Variants in PCDHA6 observed in about 807,000 individuals in gnomAD.
PCDHA6 encodes protocadherin alpha 6.
Under a neutral mutation model 60.3 loss-of-function variants are expected in PCDHA6, and 55 were observed. The observed-to-expected ratio is 0.91, with a 90% CI of 0.73 to 1.14. PCDHA6 has a LOEUF of 1.14. Ranked by LOEUF, PCDHA6 falls within the 50% of genes most tolerant of loss-of-function variation. The pLI, the probability that PCDHA6 is intolerant of heterozygous loss-of-function variation, is 0.00. For missense variants in PCDHA6, 1,327 were observed against 1,256.5 expected (o/e 1.06, Z -0.85); for synonymous variants, 652 against 557.9 (o/e 1.17, Z -2.38).
intron 1 of PCDHA6, chr5:140,835,958 C>T (rs2150249126): frequency 1.9e-6 from 3 of 1,613,058 alleles, no homozygotes; most frequent in Middle Eastern, 1.8e-4. Context: ...CGTTGGACCA[C>T]GAGGAGCTGG....
At chr5:140,832,575 T>G (rs1351881493) in intron 1 of PCDHA6, among the ~76,000 whole-genome samples, 1 of 152,226 alleles carries the variant, frequency 6.6e-6, no homozygotes, top group Non-Finnish European at 1.5e-5. Context: ...CAGCATACTT[T>G]CTTAGGAAGT....
chr5:140,873,657 C>T (rs1270824058), intron 1 of PCDHA6, among the ~76,000 whole-genome samples: 1 of 152,206 alleles, frequency 6.6e-6, no homozygotes, highest in Non-Finnish European at 1.5e-5. Flanking sequence ...ACATAACACA[C>T]TATTATTATT....
intron 1 of PCDHA6, among the ~76,000 whole-genome samples, chr5:140,902,554 A>AT (rs1414683182): frequency 6.6e-6 from 1 of 151,896 alleles, no homozygotes; most frequent in East Asian, 1.9e-4. Context: ...CTATACCCAG[A>AT]TTTTTGAGGG....
chr5:140,876,370 G>A, intron 1 of PCDHA6: 1 of 1,613,946 alleles, frequency 6.2e-7, no homozygotes, highest in Non-Finnish European at 8.5e-7. Flanking sequence ...TCCAGACACA[G>A]GTGAAATTAG....
chr5:140,881,909 G>T (rs941994896), intron 1 of PCDHA6: 6 of 230,500 alleles, frequency 2.6e-5, no homozygotes, highest in Non-Finnish European at 5.1e-5. Context: ...AATATAAAAT[G>T]TTGAGCAGAA....
At chr5:140,983,542 C>A (rs1554245538) in intron 3 of PCDHA6, among the ~76,000 whole-genome samples, 1 of 152,152 alleles carries the variant, frequency 6.6e-6, no homozygotes, top group African/African-American at 2.4e-5. Flanking sequence ...TGTGTGGTCT[C>A]ATTTATTCCT....
rs116202025 is a variant in PCDHA6, at chr5:140,975,505, A to G, written c.2395-3444A>G. ...ATATCAATGTTCATAAAATAGCACTATGCAAAATCTGCAGTGGATATATTC... is the reference window on the plus strand; with the variant it reads ...ATATCAATGTTCATAAAATAGCACTGTGCAAAATCTGCAGTGGATATATTC... On this transcript the variant is annotated intron_variant, in intron 1 of 3. Transcript: ENST00000529310. Among the ~76,000 whole-genome samples, 512 of 152,350 alleles carry G rather than the reference A, an allele frequency of 3.4e-3. 3 individuals are homozygous for G. Among genetic ancestry groups the G allele is most frequent in the Middle Eastern group, 6.8e-3 (2 of 294 alleles).
intron 1 of PCDHA6, chr5:140,854,159 C>A (rs1172794260): frequency 2.5e-3 from 847 of 341,142 alleles, no homozygotes; most frequent in Admixed American, 7.6e-3. Context: ...GATTCTGTCT[C>A]AAAAAAAAAA....
intron 1 of PCDHA6, among the ~76,000 whole-genome samples, chr5:140,888,764 T>G (rs74654123): frequency 6.6e-6 from 1 of 152,068 alleles, no homozygotes; most frequent in Non-Finnish European, 1.5e-5. Flanking sequence ...CTTTTTTTTT[T>G]AATTTTGAAG....
At chr5:140,925,072 G>A (rs921580794) in intron 1 of PCDHA6, among the ~76,000 whole-genome samples, 10 of 149,184 alleles carry the variant, frequency 6.7e-5, no homozygotes, top group Admixed American at 2.0e-4. Flanking sequence ...AAAGCAACAC[G>A]CTCATCTGGA....
rs1554131112 is a variant in PCDHA6, at chr5:140,828,226, G to A, written c.135G>A (p.Val45=). 6.2e-6 allele frequency: 10 copies of A among 1,614,004 alleles called. No individual in the cohort carries two copies. The highest frequency in any genetic ancestry group is 5.1e-6 in the Non-Finnish European group (6 of 1,180,052). Residue 45 remains valine, a synonymous_variant, in exon 1 of 4, where the codon GTG becomes GTA. Coordinates refer to ENST00000529310, the MANE Select transcript of PCDHA6 (RefSeq NM_018909.4). ...VPEEAKHGTF[V]GRIAQDLGLE... ...AGGAGGCCAAACACGGCACCTTCGT[G>A]GGCCGGATCGCGCAGGACCTGGGGC...
chr5:140,930,377 T>C (rs1480359985), intron 1 of PCDHA6: 1 of 152,198 alleles, frequency 6.6e-6, no homozygotes, highest in Non-Finnish European at 1.5e-5. Flanking sequence ...TAGTGGCCCT[T>C]GGCATTTCAA....
rs782180138 is a variant in PCDHA6, at chr5:140,856,292, A to G, written c.2394+25807A>G. 5 of 1,598,490 alleles carry G rather than the reference A, an allele frequency of 3.1e-6. 1 individual carries two copies. The stretch of plus-strand genomic sequence containing the variant: ...TCTGGAGGTAAATCTGCAGAATGGC[A>G]TTTTGTTTGTGAATTCTCGGATTGA... On this transcript the variant is annotated intron_variant, in intron 1 of 3. Transcript: ENST00000529310.
chr5:140,850,218 G>T, intron 1 of PCDHA6: 1 of 1,593,686 alleles, frequency 6.3e-7, no homozygotes. Context: ...GGGCACTGAC[G>T]GCGCAGTGAG....
chr5:140,858,235 A>C, intron 1 of PCDHA6: 2 of 1,596,218 alleles, frequency 1.3e-6, no homozygotes, highest in Non-Finnish European at 1.7e-6. Flanking sequence ...CCGAGGGCGC[A>C]TGTGGGCCGG....
At chr5:140,925,537 A>G (rs1325632505) in intron 1 of PCDHA6, among the ~76,000 whole-genome samples, 4 of 152,070 alleles carry the variant, frequency 2.6e-5, no homozygotes, top group Non-Finnish European at 2.9e-5. Flanking sequence ...GAGGAGAAAT[A>G]CCTAATGTAA....
chr5:140,991,748 T>C (rs1192231997), intron 3 of PCDHA6, among the ~76,000 whole-genome samples: 4 of 152,224 alleles, frequency 2.6e-5, no homozygotes, highest in Non-Finnish European at 4.4e-5. Flanking sequence ...AGGCTCTTTC[T>C]ATCATGCTCT....
rs898079440 is a variant in PCDHA6, at chr5:140,897,263, A to T, written c.2394+66778A>T. Among the ~76,000 whole-genome samples, 4 of 151,888 alleles carry T rather than the reference A, an allele frequency of 2.6e-5. No individual in the cohort carries two copies. The South Asian group carries it at 6.2e-4, about 24-fold the overall frequency. On this transcript the variant is annotated intron_variant, in intron 1 of 3. Transcript: ENST00000529310. Reference sequence around the variant, plus strand: ...TTAGTTACATATGTATACATGTGCCATGCTGGTGTGCTGCACCCATTAACT... The same window carrying T: ...TTAGTTACATATGTATACATGTGCCTTGCTGGTGTGCTGCACCCATTAACT...
At chr5:140,974,808 G>A (rs1229375180) in intron 1 of PCDHA6, among the ~76,000 whole-genome samples, 1 of 152,090 alleles carries the variant, frequency 6.6e-6, no homozygotes, top group Non-Finnish European at 1.5e-5. Context: ...TATACTAGAA[G>A]ACCAATATGC....
Sources: gnomAD v4.1 joint callset for allele counts (sites outside exome capture counted in the v4.1 genomes callset) on GRCh38, gnomAD v4.1.1 for gene constraint, MANE v1.5 for transcripts, NCBI Gene and HGNC (gene_info 2026-07-23, HGNC 2026-07-21) for gene names.